Variants in HSD17B12 observed in about 807,000 individuals in gnomAD.
The protein encoded by HSD17B12 is hydroxysteroid 17-beta dehydrogenase 12.
Under a neutral mutation model 39.3 loss-of-function variants are expected in HSD17B12, and 32 were observed. That is an observed-to-expected ratio of 0.81 (90% CI 0.61 to 1.09). The LOEUF is 1.09. HSD17B12 is among the 50% of genes least tolerant of loss of function. HSD17B12 has a pLI of 0.00. For missense variants in HSD17B12, 342 were observed against 382.9 expected, an observed-to-expected ratio of 0.89 and a Z score of 0.89; for synonymous variants, 150 against 146.7, an observed-to-expected ratio of 1.02 and a Z score of -0.16.
intron 6 of HSD17B12, among the ~76,000 whole-genome samples, chr11:43,827,330 A>T (rs777838987): frequency 1.3e-5 from 2 of 152,224 alleles, no homozygotes; most frequent in Non-Finnish European, 2.9e-5. Flanking sequence ...TTCTCTCTAA[A>T]AAATGACCAA....
the HSD17B12 span, among the ~76,000 whole-genome samples, chr11:43,558,811 C>T: frequency 6.6e-6 from 1 of 151,938 alleles, no homozygotes; most frequent in Non-Finnish European, 1.5e-5. Flanking sequence ...AGAAGGGAAT[C>T]GTTTTCAGCA....
upstream of HSD17B12, chr11:43,680,495 T>C: frequency 5.7e-6 from 2 of 350,606 alleles, no homozygotes; most frequent in South Asian, 5.7e-5. Context: ...TCTTCCGCAG[T>C]CGCGAGTACG....
the HSD17B12 span, chr11:43,556,896 C>T: frequency 6.6e-6 from 1 of 151,622 alleles, no homozygotes; most frequent in Admixed American, 6.6e-5. Flanking sequence ...CCAAATTTCC[C>T]TAGAAATCTA....
At chr11:43,643,119 G>T in the HSD17B12 span, among the ~76,000 whole-genome samples, 1 of 151,958 alleles carries the variant, frequency 6.6e-6, no homozygotes, top group Non-Finnish European at 1.5e-5. Context: ...TTTATATTTG[G>T]ATGTGAGAAA....
chr11:43,626,960 G>C, the HSD17B12 span, among the ~76,000 whole-genome samples: 3 of 151,992 alleles, frequency 2.0e-5, no homozygotes, highest in Non-Finnish European at 1.5e-5. Context: ...AGTTTTAAAA[G>C]TTAAGGAGGG....
intron 1 of HSD17B12, among the ~76,000 whole-genome samples, chr11:43,681,835 T>A (rs751412335): frequency 1.2e-5 from 1 of 81,728 alleles, no homozygotes; most frequent in African/African-American, 3.8e-5. Flanking sequence ...CCCCCCCCCC[T>A]TTTTTTTTTC....
the HSD17B12 span, among the ~76,000 whole-genome samples, chr11:43,633,562 A>G: frequency 6.6e-6 from 1 of 152,116 alleles, no homozygotes; most frequent in East Asian, 1.9e-4. Flanking sequence ...TAAAAATAAA[A>G]TAAAATAAAA....
At chr11:43,619,247 T>TATATATATATCATATATATATATAAA in the HSD17B12 span, among the ~76,000 whole-genome samples, 3 of 50,258 alleles carry the variant, frequency 6.0e-5, no homozygotes, top group Admixed American at 6.0e-4. Flanking sequence ...ATATATAAAA[T>TATATATATATCATATATATATATAAA]ATATATATAT....
At chr11:43,580,070 G>T in the HSD17B12 span, among the ~76,000 whole-genome samples, 7 of 146,240 alleles carry the variant, frequency 4.8e-5, no homozygotes, top group South Asian at 2.1e-4. Flanking sequence ...TACTAATGGG[G>T]GGGGGGAGGG....
At chr11:43,790,613 C>G (rs1370593910) in intron 3 of HSD17B12, among the ~76,000 whole-genome samples, 1 of 152,164 alleles carries the variant, frequency 6.6e-6, no homozygotes, top group Non-Finnish European at 1.5e-5. Flanking sequence ...CATGGATATG[C>G]TGGACAAAGG....
chr11:43,708,100 T>C (rs1485302936), intron 1 of HSD17B12, among the ~76,000 whole-genome samples: 1 of 152,184 alleles, frequency 6.6e-6, no homozygotes, highest in African/African-American at 2.4e-5. Flanking sequence ...AGCTTCAACG[T>C]ATGAATTTGG....
At chr11:43,583,986 A>C in the HSD17B12 span, among the ~76,000 whole-genome samples, 1 of 152,040 alleles carries the variant, frequency 6.6e-6, no homozygotes, top group Non-Finnish European at 1.5e-5. Flanking sequence ...GGAGCTAGGG[A>C]AGGGTTTCAG....
At chr11:43,735,191 T>A (rs1329260129) in intron 1 of HSD17B12, among the ~76,000 whole-genome samples, 1 of 152,254 alleles carries the variant, frequency 6.6e-6, no homozygotes, top group African/African-American at 2.4e-5. Flanking sequence ...ATTTGAGTTG[T>A]TTCTACCTTT....
chr11:43,703,888 C>T (rs1949990206), intron 1 of HSD17B12, among the ~76,000 whole-genome samples: 1 of 150,124 alleles, frequency 6.7e-6, no homozygotes, highest in African/African-American at 2.4e-5. Context: ...TATTTTTTTT[C>T]CATTTCCATT....
At chr11:43,572,308 A>G in the HSD17B12 span, among the ~76,000 whole-genome samples, 3 of 152,186 alleles carry the variant, frequency 2.0e-5, no homozygotes, top group Non-Finnish European at 4.4e-5. Flanking sequence ...ACAGGCAGAG[A>G]GCCTTATTCA....
At chr11:43,738,747 C>A (rs527589475) in intron 1 of HSD17B12, among the ~76,000 whole-genome samples, 30 of 152,292 alleles carry the variant, frequency 2.0e-4, no homozygotes, top group Non-Finnish European at 4.0e-4. Flanking sequence ...TCCAGACAGA[C>A]CCTGCTCTTA....
At chr11:43,624,841 A>G in the HSD17B12 span, among the ~76,000 whole-genome samples, 1 of 151,644 alleles carries the variant, frequency 6.6e-6, no homozygotes. Context: ...ATAAAATTTG[A>G]AATTCATTCA....
In HSD17B12 at chr11:43,855,234, A is replaced by C; in HGVS notation, c.925A>C (p.Thr309Pro). ...TACACGGGCTCACTATCTGAAGAAAACCAAGAAGAACTAAGCATTGATAAC... is the reference window on the plus strand; with the variant it reads ...TACACGGGCTCACTATCTGAAGAAACCCAAGAAGAACTAAGCATTGATAAC... ...KSTRAHYLKK[T>P]KKN The change falls in exon 11 of 11, where the codon ACC (threonine) becomes CCC (proline). Residue 309 changes from threonine (T) to proline (P), a missense_variant. By Grantham distance (38) the Thr-to-Pro change is conservative. Transcript: ENST00000278353. The C allele has an allele frequency of 6.2e-7, 1 of 1,602,048 alleles. No individual in the cohort carries two copies. The highest frequency in any genetic ancestry group is 2.2e-5 in the East Asian group (1 of 44,678).
chr11:43,842,650 A>G lies in HSD17B12; in HGVS notation c.684+2586A>G, dbSNP rs1386033194. ...TGTTCTTGAGAAGCTATTACATTCC[A>G]TGAGAAGGTATTCATGGGAAGGTAT... On this transcript the variant is annotated intron_variant, in intron 9 of 10. Coordinates refer to ENST00000278353, the MANE Select transcript of HSD17B12 (RefSeq NM_016142.3). Among the ~76,000 whole-genome samples, 3 of 152,342 alleles carry G rather than the reference A, an allele frequency of 2.0e-5. No individual in the cohort carries two copies. The East Asian group carries it at 5.8e-4, about 29-fold the overall frequency.
Sources: allele counts gnomAD v4.1 joint callset (sites outside exome capture counted in the v4.1 genomes callset), GRCh38; gene constraint gnomAD v4.1.1; transcripts MANE v1.5; gene names NCBI Gene and HGNC (gene_info 2026-07-23, HGNC 2026-07-21).